The following AKAP19 variants were observed in gnomAD, a reference collection of about 807,000 sequenced individuals.
The protein encoded by AKAP19 is A-kinase anchoring protein 19, also known as small A-kinase anchoring protein.
At chr2:190,028,032 A>G in the AKAP19 span, among the ~76,000 whole-genome samples, 2 of 152,240 alleles carry the variant, frequency 1.3e-5, no homozygotes, top group East Asian at 3.9e-4. Flanking sequence ...AGAAATCTCA[A>G]ATAGTTATTT....
At chr2:189,917,445 C>T in the AKAP19 span, 18 of 733,606 alleles carry the variant, frequency 2.5e-5, no homozygotes, top group South Asian at 3.2e-5. Context: ...TTTTCTAGCT[C>T]GATGTTTTTC....
chr2:190,117,313 G>C, the AKAP19 span, among the ~76,000 whole-genome samples: 1 of 152,068 alleles, frequency 6.6e-6, no homozygotes, highest in African/African-American at 2.4e-5. Flanking sequence ...GCTACAATGG[G>C]AATGAAAATA....
At chr2:189,967,712 G>A in the AKAP19 span, among the ~76,000 whole-genome samples, 2 of 151,614 alleles carry the variant, frequency 1.3e-5, no homozygotes, top group African/African-American at 4.8e-5. Flanking sequence ...TACTTGGGAG[G>A]CTGAGGCAAG....
chr2:189,951,883 A>G, the AKAP19 span, among the ~76,000 whole-genome samples: 1 of 152,238 alleles, frequency 6.6e-6, no homozygotes, highest in African/African-American at 2.4e-5. Flanking sequence ...ATCTAAAAGC[A>G]GGTTATAAAA....
chr2:190,022,144 C>T, the AKAP19 span, among the ~76,000 whole-genome samples: 1 of 152,112 alleles, frequency 6.6e-6, no homozygotes, highest in Admixed American at 6.6e-5. Context: ...GACCCAGCCA[C>T]CTCTTAAAGG....
the AKAP19 span, among the ~76,000 whole-genome samples, chr2:189,995,528 T>C: frequency 2.0e-5 from 3 of 152,220 alleles, no homozygotes; most frequent in African/African-American, 4.8e-5. Context: ...ATGAGTCTCC[T>C]GAAGATAGAA....
At chr2:190,092,933 G>C in the AKAP19 span, among the ~76,000 whole-genome samples, 1 of 152,146 alleles carries the variant, frequency 6.6e-6, no homozygotes, top group Non-Finnish European at 1.5e-5. Context: ...CGAGTCGATT[G>C]CTAGAAGCAG....
the AKAP19 span, among the ~76,000 whole-genome samples, chr2:190,024,576 C>A: frequency 6.6e-6 from 1 of 151,816 alleles, no homozygotes; most frequent in Non-Finnish European, 1.5e-5. Flanking sequence ...AGTGTATGTT[C>A]AAAATTATGT....
At chr2:189,976,969 GCTGCACCCACTGTC>G in the AKAP19 span, among the ~76,000 whole-genome samples, 2 of 152,036 alleles carry the variant, frequency 1.3e-5, no homozygotes, top group Non-Finnish European at 2.9e-5. Flanking sequence ...CACTCGGTGG[GCTGCACCCACTGTC>G]CTGCACCCAC....
chr2:189,900,829 C>T, the AKAP19 span, among the ~76,000 whole-genome samples: 1 of 152,148 alleles, frequency 6.6e-6, no homozygotes, highest in Non-Finnish European at 1.5e-5. Flanking sequence ...ATGGGCAAGA[C>T]AGGAGCTGAC....
the AKAP19 span, among the ~76,000 whole-genome samples, chr2:190,131,677 C>A: frequency 6.6e-6 from 1 of 152,182 alleles, no homozygotes; most frequent in African/African-American, 2.4e-5. Context: ...GGTTTGCAGT[C>A]GGCATCTGAA....
At chr2:190,072,179 G>A in the AKAP19 span, among the ~76,000 whole-genome samples, 1 of 152,254 alleles carries the variant, frequency 6.6e-6, no homozygotes, top group Non-Finnish European at 1.5e-5. Flanking sequence ...AATACTGCAT[G>A]TTCTTACTTA....
At chr2:190,123,919 G>A in the AKAP19 span, among the ~76,000 whole-genome samples, 2 of 152,198 alleles carry the variant, frequency 1.3e-5, no homozygotes, top group South Asian at 2.1e-4. Context: ...TGGATGTATT[G>A]ATCTATCTCC....
chr2:190,080,330 T>A, the AKAP19 span, among the ~76,000 whole-genome samples: 1 of 152,058 alleles, frequency 6.6e-6, no homozygotes, highest in Non-Finnish European at 1.5e-5. Flanking sequence ...CATATTCCAG[T>A]GGGGGAGACA....
chr2:189,888,826 T>C, the AKAP19 span, among the ~76,000 whole-genome samples: 1 of 152,204 alleles, frequency 6.6e-6, no homozygotes, highest in African/African-American at 2.4e-5. Flanking sequence ...GGTTGTCAGC[T>C]TAAGGAGATT....
the AKAP19 span, among the ~76,000 whole-genome samples, chr2:190,188,443 A>G: frequency 1.7e-4 from 26 of 152,368 alleles, no homozygotes; most frequent in African/African-American, 6.0e-4. Context: ...CACACCTTCA[A>G]CTGATGACCA....
chr2:190,069,774 G>A, the AKAP19 span, among the ~76,000 whole-genome samples: 6 of 152,126 alleles, frequency 3.9e-5, no homozygotes, highest in East Asian at 1.9e-4. Context: ...TTGTGCACCT[G>A]GTTTATGATA....
At chr2:190,101,817 G>A in the AKAP19 span, among the ~76,000 whole-genome samples, 1 of 152,030 alleles carries the variant, frequency 6.6e-6, no homozygotes, top group Non-Finnish European at 1.5e-5. Flanking sequence ...ATACATTCTG[G>A]ACTTAAATTC....
chr2:190,111,742 G>T, the AKAP19 span, among the ~76,000 whole-genome samples: 1 of 151,956 alleles, frequency 6.6e-6, no homozygotes, highest in East Asian at 1.9e-4. Context: ...GGGGTTGGGG[G>T]GGAAAGAAGC....
Sources: gnomAD v4.1 joint callset for allele counts (sites outside exome capture counted in the v4.1 genomes callset) on GRCh38, gnomAD v4.1.1 for gene constraint, MANE v1.5 for transcripts, NCBI Gene and HGNC (gene_info 2026-07-23, HGNC 2026-07-21) for gene names.